The following CRYBG1 variants were observed in gnomAD, a reference collection of about 807,000 sequenced individuals.
CRYBG1 encodes beta/gamma crystallin domain-containing protein 1.
In CRYBG1, 139 loss-of-function variants were observed where a neutral mutation model predicts 189.2. The observed-to-expected ratio is 0.73, with a 90% CI of 0.64 to 0.85. CRYBG1 has a LOEUF of 0.85. Ranked by LOEUF, CRYBG1 falls within the 40% of genes least tolerant of loss-of-function variation. The pLI is 0.00. For missense variants in CRYBG1, 2,611 were observed against 2,675.8 expected, an observed-to-expected ratio of 0.98 and a Z score of 0.53; for synonymous variants, 1,023 against 1,017.1, an observed-to-expected ratio of 1.01 and a Z score of -0.11.
chr6:106,409,926 A>G (rs11152983), intron 1 of CRYBG1, among the ~76,000 whole-genome samples: 12,294 of 152,286 alleles, frequency 0.081, 637 homozygotes, highest in East Asian at 0.15. Context: ...ATACCCCAGA[A>G]GAAAACCTAG....
chr6:106,480,223 G>A lies in CRYBG1; in HGVS notation c.312+28391G>A, dbSNP rs1372890334. ...ATGAAGTTCATAAGCCCAGTGCTAT[G>A]TGGTTCTGGTTAGGCACAGTATGAT... On this transcript the variant is annotated intron_variant, in intron 2 of 21. Coordinates refer to ENST00000633556, the MANE Select transcript of CRYBG1 (RefSeq NM_001371242.2). Among the ~76,000 whole-genome samples, 3 of 152,244 alleles carry A rather than the reference G, an allele frequency of 2.0e-5. 1 individual carries two copies. Among genetic ancestry groups the A allele is most frequent in the Non-Finnish European group, 1.5e-5 (1 of 68,012 alleles).
intron 1 of CRYBG1, among the ~76,000 whole-genome samples, chr6:106,376,428 A>G (rs527739665): frequency 3.3e-5 from 5 of 152,168 alleles, no homozygotes; most frequent in Non-Finnish European, 7.4e-5. Flanking sequence ...TAATGACTAC[A>G]TGAACCTAGC....
chr6:106,423,924 C>G (rs544577553), intron 1 of CRYBG1, among the ~76,000 whole-genome samples: 2 of 151,868 alleles, frequency 1.3e-5, no homozygotes, highest in Non-Finnish European at 2.9e-5. Flanking sequence ...AGGCTGGTCT[C>G]GAACTCCTGG....
intron 21 of CRYBG1, among the ~76,000 whole-genome samples, chr6:106,564,999 G>T (rs1166745647): frequency 6.6e-6 from 1 of 151,512 alleles, no homozygotes; most frequent in Non-Finnish European, 1.5e-5. Context: ...AGGGATTTAG[G>T]CCAATGCTGT....
At chr6:106,472,937 C>A (rs1288186195) in intron 2 of CRYBG1, among the ~76,000 whole-genome samples, 1 of 149,400 alleles carries the variant, frequency 6.7e-6, no homozygotes, top group Non-Finnish European at 1.5e-5. Flanking sequence ...AAAGTATATT[C>A]TGTTATTACA....
intron 3 of CRYBG1, among the ~76,000 whole-genome samples, chr6:106,515,761 ATT>A: frequency 1.6e-5 from 1 of 61,656 alleles, no homozygotes; most frequent in Non-Finnish European, 3.6e-5. Flanking sequence ...GATCAAATTT[ATT>A]TATTTATTTA....
chr6:106,449,654 A>G (rs1033705081), intron 1 of CRYBG1, among the ~76,000 whole-genome samples: 2 of 152,168 alleles, frequency 1.3e-5, no homozygotes, highest in African/African-American at 4.8e-5. Context: ...CAGCATTTCA[A>G]CTTTAAGGTA....
chr6:106,394,316 A>C (rs896924997), intron 1 of CRYBG1, among the ~76,000 whole-genome samples: 1 of 152,212 alleles, frequency 6.6e-6, no homozygotes, highest in Non-Finnish European at 1.5e-5. Context: ...ATACATATAC[A>C]ACAGTGTCTT....
intron 2 of CRYBG1, among the ~76,000 whole-genome samples, chr6:106,452,260 A>C (rs914974233): frequency 9.3e-4 from 134 of 143,722 alleles, no homozygotes; most frequent in African/African-American, 3.6e-3. Context: ...AAAAAAAAAA[A>C]AAAAACAAAA....
In CRYBG1 at chr6:106,521,214, A is replaced by G. The variant is rs1167847354; in HGVS notation, c.4006A>G (p.Lys1336Glu). 6.2e-7 allele frequency: 1 copy of G among 1,614,184 alleles called. No homozygotes were observed. Among genetic ancestry groups the G allele is most frequent in the Admixed American group, 1.7e-5 (1 of 60,000 alleles). The change falls in exon 4 of 22, where the codon AAA becomes GAA. Residue 1336 changes from lysine (K) to glutamate (E), a missense_variant. By Grantham distance (56) the Lys-to-Glu change is moderately conservative. Coordinates refer to ENST00000633556, the MANE Select transcript of CRYBG1 (RefSeq NM_001371242.2). The stretch of plus-strand genomic sequence containing the variant: ...AAGCCACATGGAAAAATACCCGCAA[A>G]AAGAGAAAACCAAAGAAGATCTGGA... Reference protein sequence around the residue: ...SPSHMEKYPQKEKTKEDLDSR... With the variant: ...SPSHMEKYPQEEKTKEDLDSR...
intron 1 of CRYBG1, among the ~76,000 whole-genome samples, chr6:106,372,436 G>T (rs982666833): frequency 1.8e-4 from 27 of 152,188 alleles, no homozygotes; most frequent in African/African-American, 6.5e-4. Flanking sequence ...ATTTTCAGTA[G>T]AGACCAGATT....
At chr6:106,525,488 A>G in intron 6 of CRYBG1, 102 bp downstream of exon 6, 1 of 885,814 alleles carries the variant, frequency 1.1e-6, no homozygotes, top group Non-Finnish European at 1.9e-6. Context: ...GGCTTTAGCA[A>G]TGAAAAGCAC....
intron 1 of CRYBG1, among the ~76,000 whole-genome samples, chr6:106,368,431 T>C (rs1196857046): frequency 6.6e-6 from 1 of 152,176 alleles, no homozygotes; most frequent in Non-Finnish European, 1.5e-5. Flanking sequence ...AATGGTGTGT[T>C]CTTCTGTCTA....
chr6:106,410,668 A>G (rs1380751130), intron 1 of CRYBG1, among the ~76,000 whole-genome samples: 1 of 152,248 alleles, frequency 6.6e-6, no homozygotes, highest in African/African-American at 2.4e-5. Flanking sequence ...CATGCCACAT[A>G]TACACCATGA....
intron 2 of CRYBG1, among the ~76,000 whole-genome samples, chr6:106,489,695 G>A (rs1193254087): frequency 1.1e-5 from 1 of 93,388 alleles, no homozygotes; most frequent in Non-Finnish European, 2.1e-5. Context: ...GGGGGCGGTA[G>A]TATGCACCTG....
chr6:106,434,857 A>G (rs2114411036), intron 1 of CRYBG1, among the ~76,000 whole-genome samples: 1 of 152,392 alleles, frequency 6.6e-6, no homozygotes, highest in East Asian at 1.9e-4. Context: ...ATCCTGGATC[A>G]GTTTGCAAGG....
intron 7 of CRYBG1, among the ~76,000 whole-genome samples, chr6:106,528,105 T>C (rs894724363): frequency 3.3e-5 from 5 of 152,062 alleles, no homozygotes; most frequent in African/African-American, 1.2e-4. Flanking sequence ...TGGAGACGAG[T>C]GTCAAGATGC....
intron 1 of CRYBG1, among the ~76,000 whole-genome samples, chr6:106,414,343 G>A (rs1299829821): frequency 1.3e-5 from 2 of 152,244 alleles, no homozygotes; most frequent in Non-Finnish European, 2.9e-5. Flanking sequence ...GCATCAGCAT[G>A]GATTGGCCTT....
chr6:106,434,997 A>G (rs1771427763), intron 1 of CRYBG1, among the ~76,000 whole-genome samples: 2 of 152,200 alleles, frequency 1.3e-5, no homozygotes, highest in African/African-American at 2.4e-5. Flanking sequence ...GAAAAACCAA[A>G]CAATGAATGG....
Sources: allele counts gnomAD v4.1 joint callset (sites outside exome capture counted in the v4.1 genomes callset), GRCh38; gene constraint gnomAD v4.1.1; transcripts MANE v1.5; gene names NCBI Gene and HGNC (gene_info 2026-07-23, HGNC 2026-07-21).